LRRIQ1: variants seen among roughly 807,000 people sequenced by gnomAD.
LRRIQ1 encodes the protein leucine-rich repeat- and IQ domain-containing protein 1.
A neutral mutation model predicts 211.9 loss-of-function variants in LRRIQ1; 210 were observed. The ratio of observed to expected loss-of-function variants is 0.99; its 90% CI spans 0.89 to 1.11. The LOEUF is 1.11. LRRIQ1 is among the 50% of genes most tolerant of loss of function. The pLI is 0.00. For synonymous variants in LRRIQ1, 699 were observed against 650.1 expected (o/e 1.08, Z -1.14); for missense variants, 2,136 against 1,939.5 (o/e 1.10, Z -1.90).
intron 24 of LRRIQ1, among the ~76,000 whole-genome samples, chr12:85,184,535 A>G (rs572634729): frequency 6.6e-6 from 1 of 152,028 alleles, no homozygotes; most frequent in Non-Finnish European, 1.5e-5. Context: ...GTTGAAAGTT[A>G]TTAAAGAGCA....
At chr12:85,064,906 A>G (rs1328737103) in intron 8 of LRRIQ1, among the ~76,000 whole-genome samples, 6 of 151,842 alleles carry the variant, frequency 4.0e-5, no homozygotes, top group Non-Finnish European at 8.8e-5. Context: ...TTATGCCAGT[A>G]CCATGCTGTT....
intron 17 of LRRIQ1, among the ~76,000 whole-genome samples, chr12:85,127,004 T>G (rs139937321): frequency 6.6e-6 from 1 of 152,270 alleles, no homozygotes; most frequent in African/African-American, 2.4e-5. Flanking sequence ...TTACTAATCT[T>G]TTTAAGCCAA....
At chr12:85,113,049 A>G (rs1343521010) in intron 15 of LRRIQ1, among the ~76,000 whole-genome samples, 1 of 152,098 alleles carries the variant, frequency 6.6e-6, no homozygotes, top group Non-Finnish European at 1.5e-5. Flanking sequence ...GTCCTTCACC[A>G]TGTGCCCTTT....
chr12:85,038,193 C>A lies in LRRIQ1; in HGVS notation c.17C>A (p.Ala6Glu). ...TGAAGAATAATGGACGATGATGATG[C>A]AAAGCTCAAAGCAGAAATAGAAGCT... MDDDDAKLKAEIEAEL... is the reference protein window; with the variant it reads MDDDDEKLKAEIEAEL... Residue 6 changes from alanine (A) to glutamate (E), a missense_variant, in exon 2 of 27, where the codon GCA becomes GAA. Physicochemically the swap from Ala to Glu is moderately radical, Grantham distance 107. Coordinates refer to ENST00000393217, the MANE Select transcript of LRRIQ1 (RefSeq NM_001079910.2). 6.4e-7 allele frequency: 1 copy of A among 1,564,890 alleles called. No homozygotes were observed. Among genetic ancestry groups the A allele is most frequent in the Non-Finnish European group, 8.7e-7 (1 of 1,153,346 alleles).
At position 85,057,004 on chromosome 12, in the gene LRRIQ1, T is replaced by C. The variant is rs368690908; in HGVS notation, c.2211T>C (p.Ser737=). The change falls in exon 8 of 27, where the codon TCT becomes TCC. Residue 737 remains serine (S), a synonymous_variant. Transcript: ENST00000393217. Reference sequence around the variant, plus strand: ...TATCAGAGTCAACCCTTCTATATTCTATTGAAGAAAGGAGACTAGCCTGGA... The same window carrying C: ...TATCAGAGTCAACCCTTCTATATTCCATTGAAGAAAGGAGACTAGCCTGGA... ...CCVSESTLLY[S]IEERRLAWIK... The C allele has an allele frequency of 1.2e-6, 2 of 1,605,720 alleles. No individual in the cohort carries two copies. The highest frequency in any genetic ancestry group is 1.3e-5 in the African/African-American group (1 of 74,152).
intron 24 of LRRIQ1, among the ~76,000 whole-genome samples, chr12:85,204,262 G>T (rs1232302367): frequency 2.0e-5 from 3 of 152,164 alleles, no homozygotes; most frequent in Admixed American, 1.3e-4. Flanking sequence ...TTGCCTGGAT[G>T]CCCAGGCAAA....
intron 11 of LRRIQ1, among the ~76,000 whole-genome samples, chr12:85,087,959 A>G (rs931498559): frequency 1.6e-4 from 24 of 152,116 alleles, no homozygotes; most frequent in African/African-American, 5.5e-4. Context: ...ATTAGATCCC[A>G]TTTGTCAATT....
chr12:85,185,215 C>G (rs1299251179), intron 24 of LRRIQ1, among the ~76,000 whole-genome samples: 1 of 151,860 alleles, frequency 6.6e-6, no homozygotes, highest in Non-Finnish European at 1.5e-5. Context: ...TTTCACTCTT[C>G]TTCAGATGAA....
chr12:85,246,225 A>T (rs1895712759), downstream of LRRIQ1, among the ~76,000 whole-genome samples: 1 of 151,264 alleles, frequency 6.6e-6, no homozygotes. Flanking sequence ...CCTAGTCAAT[A>T]TAGTTAAGAA....
intron 24 of LRRIQ1, among the ~76,000 whole-genome samples, chr12:85,177,646 C>A (rs1454963031): frequency 6.6e-6 from 1 of 151,974 alleles, no homozygotes; most frequent in Admixed American, 6.6e-5. Context: ...AGGCACAGGG[C>A]AATTTTAGTC....
At chr12:85,173,048 G>A (rs757808379) in intron 24 of LRRIQ1, among the ~76,000 whole-genome samples, 1 of 152,106 alleles carries the variant, frequency 6.6e-6, no homozygotes, top group South Asian at 2.1e-4. Flanking sequence ...GGCAGAGGTT[G>A]CAGTGAGCCG....
intron 24 of LRRIQ1, among the ~76,000 whole-genome samples, chr12:85,167,294 TAA>T (rs1426860919): frequency 1.3e-5 from 2 of 152,132 alleles, no homozygotes; most frequent in Non-Finnish European, 2.9e-5. Flanking sequence ...GATGTATATA[TAA>T]AGGGAATTTA....
At chr12:85,161,247 G>T (rs950243997) in intron 24 of LRRIQ1, among the ~76,000 whole-genome samples, 1 of 151,992 alleles carries the variant, frequency 6.6e-6, no homozygotes, top group Non-Finnish European at 1.5e-5. Context: ...GAAAAAACAT[G>T]AACTTAAATT....
At chr12:85,225,271 A>G (rs1894596911) in intron 24 of LRRIQ1, among the ~76,000 whole-genome samples, 1 of 152,146 alleles carries the variant, frequency 6.6e-6, no homozygotes, top group Non-Finnish European at 1.5e-5. Flanking sequence ...CCTATCAGGG[A>G]CTTGAGCATC....
At chr12:85,172,308 C>G (rs1296685806) in intron 24 of LRRIQ1, among the ~76,000 whole-genome samples, 1 of 152,126 alleles carries the variant, frequency 6.6e-6, no homozygotes, top group Non-Finnish European at 1.5e-5. Context: ...AAATTATATC[C>G]AAGTCTCAGA....
intron 7 of LRRIQ1, among the ~76,000 whole-genome samples, chr12:85,053,923 T>A (rs940110024): frequency 6.6e-6 from 1 of 152,134 alleles, no homozygotes; most frequent in Non-Finnish European, 1.5e-5. Flanking sequence ...TACCCAGGAT[T>A]GAAAATATTT....
intron 26 of LRRIQ1, among the ~76,000 whole-genome samples, chr12:85,238,802 C>A (rs1895321803): frequency 6.6e-6 from 1 of 151,846 alleles, no homozygotes; most frequent in African/African-American, 2.4e-5. Context: ...AGGAACAAGG[C>A]AAGAAAATCT....
chr12:85,120,674 A>T (rs1349450838), intron 15 of LRRIQ1, among the ~76,000 whole-genome samples: 1 of 152,186 alleles, frequency 6.6e-6, no homozygotes, highest in South Asian at 2.1e-4. Flanking sequence ...CCCCAGTGGG[A>T]TATCTCTTGA....
In LRRIQ1 at chr12:85,131,488, T is replaced by A. The variant is rs1888759040; in HGVS notation, c.4209+3455T>A. Among the ~76,000 whole-genome samples, 6 of 152,160 alleles carry A rather than the reference T, an allele frequency of 3.9e-5. No homozygotes were observed. The South Asian group carries it at 1.0e-3, about 26-fold the overall frequency. On this transcript the variant is annotated intron_variant, in intron 18 of 26. Coordinates refer to ENST00000393217, the MANE Select transcript of LRRIQ1 (RefSeq NM_001079910.2). ...CCTACCCCACTTAAAGGATATGAGC[T>A]ACACCTTAAGTAATAGTAGGACTCA...
Sources: allele counts gnomAD v4.1 joint callset (sites outside exome capture counted in the v4.1 genomes callset), GRCh38; gene constraint gnomAD v4.1.1; transcripts MANE v1.5; gene names NCBI Gene and HGNC (gene_info 2026-07-23, HGNC 2026-07-21).